Variants in DENND5B observed in about 807,000 individuals in gnomAD.
DENND5B encodes the protein DENN domain-containing protein 5B.
A neutral mutation model predicts 140.6 loss-of-function variants in DENND5B; 34 were observed. That is an observed-to-expected ratio of 0.24 (90% CI 0.18 to 0.32). The LOEUF (loss-of-function observed/expected upper bound fraction) is 0.32, where lower values mean the gene tolerates loss of function less well. DENND5B is among the 10% of genes least tolerant of loss of function. The probability of loss-of-function intolerance (pLI) is 1.00; values close to 1 mark genes in which losing one functional copy is unlikely to be tolerated. For missense variants in DENND5B, 1,142 were observed against 1,560.2 expected, an observed-to-expected ratio of 0.73 and a Z score of 4.52; for synonymous variants, 551 against 562.1, an observed-to-expected ratio of 0.98 and a Z score of 0.28.
chr12:31,565,108 G>T (rs79480694), intron 1 of DENND5B, among the ~76,000 whole-genome samples: 5 of 152,046 alleles, frequency 3.3e-5, no homozygotes, highest in Non-Finnish European at 7.4e-5. Context: ...TTCGACTACT[G>T]CATCTATTAA....
At chr12:31,421,981 A>C (rs1395612604) in intron 11 of DENND5B, among the ~76,000 whole-genome samples, 3 of 152,218 alleles carry the variant, frequency 2.0e-5, no homozygotes, top group Non-Finnish European at 4.4e-5. Context: ...TTCTGATTAC[A>C]GGAGCTCCAG....
At chr12:31,551,156 G>C (rs1372540012) in intron 1 of DENND5B, among the ~76,000 whole-genome samples, 2 of 152,150 alleles carry the variant, frequency 1.3e-5, no homozygotes, top group South Asian at 2.1e-4. Flanking sequence ...GTCCTGAATG[G>C]TATTGCCTAG....
At chr12:31,584,877 T>A (rs1313160597) in intron 1 of DENND5B, among the ~76,000 whole-genome samples, 1 of 128,582 alleles carries the variant, frequency 7.8e-6, no homozygotes, top group Non-Finnish European at 1.6e-5. Flanking sequence ...AAGAAATAGT[T>A]GGCGGCTATA....
intron 1 of DENND5B, among the ~76,000 whole-genome samples, chr12:31,535,407 G>GAC (rs200701091): frequency 0.013 from 1,909 of 151,770 alleles, 46 homozygotes; most frequent in African/African-American, 0.043. Context: ...GAGAGAGAGA[G>GAC]AGACACACAC....
At chr12:31,534,192 C>T (rs1036110980) in intron 1 of DENND5B, among the ~76,000 whole-genome samples, 3 of 151,906 alleles carry the variant, frequency 2.0e-5, no homozygotes, top group Non-Finnish European at 2.9e-5. Context: ...CTGAGTCTCA[C>T]TTTGTGGCCC....
intron 2 of DENND5B, among the ~76,000 whole-genome samples, chr12:31,485,546 C>T (rs1035767243): frequency 6.6e-6 from 1 of 152,216 alleles, no homozygotes; most frequent in African/African-American, 2.4e-5. Context: ...TACTTTTGTA[C>T]CAACCTTTAA....
chr12:31,450,235 C>T (rs1944452498), intron 5 of DENND5B, among the ~76,000 whole-genome samples: 1 of 152,188 alleles, frequency 6.6e-6, no homozygotes, highest in Non-Finnish European at 1.5e-5. Context: ...GTACCTTCCT[C>T]AAACTTTGTT....
At chr12:31,532,967 T>C (rs1244145451) in intron 1 of DENND5B, among the ~76,000 whole-genome samples, 1 of 152,176 alleles carries the variant, frequency 6.6e-6, no homozygotes, top group Non-Finnish European at 1.5e-5. Context: ...AAGTCACAAT[T>C]TGTAGGCATC....
intron 6 of DENND5B, 138 bp from the exon 7 acceptor site, chr12:31,443,063 T>TGTGCAC (rs2137990215): frequency 1.3e-6 from 1 of 779,256 alleles, no homozygotes; most frequent in Non-Finnish European, 2.0e-6. Context: ...TGTGTGTGTG[T>TGTGCAC]GCACGCACGC....
At chr12:31,549,184 G>A (rs1948957269) in intron 1 of DENND5B, among the ~76,000 whole-genome samples, 1 of 152,128 alleles carries the variant, frequency 6.6e-6, no homozygotes, top group South Asian at 2.1e-4. Context: ...ACAGGCATGA[G>A]CCACCATGCC....
intron 17 of DENND5B, among the ~76,000 whole-genome samples, 177 bp downstream of exon 17, chr12:31,397,998 T>TA (rs1449116093): frequency 6.6e-6 from 1 of 152,184 alleles, no homozygotes; most frequent in African/African-American, 2.4e-5. Context: ...GCAAGTTTTT[T>TA]AAAAAATTAG....
chr12:31,426,176 AAAAG>A, intron 9 of DENND5B, 113 bp downstream of exon 9: 1 of 1,259,724 alleles, frequency 7.9e-7, no homozygotes. Context: ...ATGCCACAGT[AAAAG>A]TTTTCTTCTA....
chr12:31,434,582 C>T (rs778091387), intron 7 of DENND5B, among the ~76,000 whole-genome samples: 5 of 152,112 alleles, frequency 3.3e-5, no homozygotes, highest in Non-Finnish European at 5.9e-5. Flanking sequence ...GTCCTTTTGT[C>T]GCCAGCCTAG....
intron 11 of DENND5B, among the ~76,000 whole-genome samples, chr12:31,416,045 C>T (rs1261966238): frequency 1.3e-5 from 2 of 151,944 alleles, no homozygotes; most frequent in Admixed American, 1.3e-4. Flanking sequence ...CCATGTTGGT[C>T]AGGCTGGTCT....
rs1254423455 is a variant in DENND5B, at chr12:31,383,698, C to T, written c.*3905G>A. On this transcript the variant is annotated 3_prime_UTR_variant, in exon 21 of 21. Coordinates refer to ENST00000389082, the MANE Select transcript of DENND5B (RefSeq NM_144973.4). ...TTCCCACGTAGGACTCCACTTTATACTACTTCACACTGACTCGCAGTCATT... is the reference window on the plus strand; with the variant it reads ...TTCCCACGTAGGACTCCACTTTATATTACTTCACACTGACTCGCAGTCATT... 1 of 152,138 alleles carries T rather than the reference C, an allele frequency of 6.6e-6. No homozygotes were observed. The highest frequency in any genetic ancestry group is 1.5e-5 in the Non-Finnish European group (1 of 68,020). The allele number at this position is 152,138 out of a possible 1,614,324, so 9.4% of individuals were successfully genotyped here.
At chr12:31,449,824 G>C (rs1436562065) in intron 5 of DENND5B, among the ~76,000 whole-genome samples, 1 of 143,848 alleles carries the variant, frequency 7.0e-6, no homozygotes, top group East Asian at 2.1e-4. Flanking sequence ...TCCACCTCCC[G>C]GGTTCATGCC....
chr12:31,385,603 C>G lies in DENND5B; in HGVS notation c.*2000G>C, dbSNP rs2137217998. The G allele has an allele frequency of 6.6e-6, 1 of 152,354 alleles. No homozygotes were observed. The highest frequency in any genetic ancestry group is 2.1e-4 in the South Asian group (1 of 4,832). 9.4% of individuals were successfully genotyped at this position (152,354 alleles called of 1,614,324 possible). A position where few individuals can be genotyped will look rare whatever the true frequency, so the allele number is the denominator to read the frequency against. ...TCCCATGTCCCTGGAAGAGCTGTAC[C>G]ATTGTAGACACACTTTAGCTTCAGG... On this transcript the variant is annotated 3_prime_UTR_variant, in exon 21 of 21. Transcript: ENST00000389082.
At chr12:31,530,349 G>C (rs1478459510) in intron 1 of DENND5B, among the ~76,000 whole-genome samples, 2 of 152,020 alleles carry the variant, frequency 1.3e-5, no homozygotes, top group African/African-American at 4.8e-5. Context: ...CTCCAGCCTG[G>C]GTGACAGAGC....
At chr12:31,485,511 T>C (rs1004028516) in intron 2 of DENND5B, among the ~76,000 whole-genome samples, 4 of 152,258 alleles carry the variant, frequency 2.6e-5, no homozygotes, top group Non-Finnish European at 5.9e-5. Flanking sequence ...TAGTTATGAT[T>C]TAAAATTCTG....
Sources: gnomAD v4.1 joint callset for allele counts (sites outside exome capture counted in the v4.1 genomes callset) on GRCh38, gnomAD v4.1.1 for gene constraint, MANE v1.5 for transcripts, NCBI Gene and HGNC (gene_info 2026-07-23, HGNC 2026-07-21) for gene names.